The following C1QTNF3 variants were observed in gnomAD, a reference collection of about 807,000 sequenced individuals.
The protein encoded by C1QTNF3 is C1q and TNF related 3.
C1QTNF3 carries 26 observed loss-of-function variants against 32.6 expected under a neutral mutation model. The observed-to-expected ratio is 0.80, with a 90% CI of 0.58 to 1.11. C1QTNF3 has a LOEUF of 1.11. C1QTNF3 is among the 50% of genes least tolerant of loss of function. C1QTNF3 has a pLI of 0.00. For synonymous variants in C1QTNF3, 155 were observed against 146.0 expected (o/e 1.06, Z -0.44); for missense variants, 362 against 398.2 (o/e 0.91, Z 0.77).
chr5:34,069,877 TCA>T, the C1QTNF3 span, among the ~76,000 whole-genome samples: 4 of 152,080 alleles, frequency 2.6e-5, no homozygotes, highest in African/African-American at 9.7e-5. Context: ...AATATTAGAG[TCA>T]CATAGAACAG....
chr5:34,142,946 G>A, the C1QTNF3 span, among the ~76,000 whole-genome samples: 3 of 152,230 alleles, frequency 2.0e-5, no homozygotes, highest in African/African-American at 4.8e-5. Flanking sequence ...AAATGACTGA[G>A]ATGATGGACA....
the C1QTNF3 span, among the ~76,000 whole-genome samples, chr5:34,209,734 A>G: frequency 6.6e-6 from 1 of 152,128 alleles, no homozygotes; most frequent in East Asian, 1.9e-4. Flanking sequence ...TCATATATAT[A>G]GTTTTACAGA....
At chr5:34,068,529 AGAGAGAGAGAGAGAGG>A in the C1QTNF3 span, among the ~76,000 whole-genome samples, 1 of 150,026 alleles carries the variant, frequency 6.7e-6, no homozygotes, top group Non-Finnish European at 1.5e-5. Context: ...ATACGTATAT[AGAGAGAGAGAGAGAGG>A]GAGAGAGAGA....
At chr5:34,158,282 T>C in the C1QTNF3 span, 2 of 152,012 alleles carry the variant, frequency 1.3e-5, no homozygotes, top group Non-Finnish European at 2.9e-5. Flanking sequence ...AATTTTTGTT[T>C]TCTTAGTAGA....
chr5:34,179,846 A>G, the C1QTNF3 span, among the ~76,000 whole-genome samples: 6 of 152,242 alleles, frequency 3.9e-5, no homozygotes, highest in African/African-American at 1.4e-4. Flanking sequence ...GGTAGGCATG[A>G]GGCTGGGTGC....
At chr5:34,176,094 G>C in the C1QTNF3 span, 108 of 539,446 alleles carry the variant, frequency 2.0e-4, 4 homozygotes, top group South Asian at 2.7e-3. Flanking sequence ...ACTGATGCTA[G>C]GGTAAAGACA....
rs886370622 is a variant in C1QTNF3, at chr5:34,019,093, A to C, written c.*1490T>G. Reference sequence around the variant, plus strand: ...CGGTGAGCTGAGATCATGCCACTGCACTCCAGCCTGGGCAGCAGCGTGAAA... The same window carrying C: ...CGGTGAGCTGAGATCATGCCACTGCCCTCCAGCCTGGGCAGCAGCGTGAAA... On this transcript the variant is annotated 3_prime_UTR_variant, in exon 6 of 6. Coordinates refer to ENST00000382065, the MANE Select transcript of C1QTNF3 (RefSeq NM_181435.6). 7.9e-5 allele frequency among the ~76,000 whole-genome samples: 12 copies of C among 151,664 alleles called. No individual in the cohort carries two copies. Among genetic ancestry groups the C allele is most frequent in the African/African-American group, 2.7e-4 (11 of 41,234 alleles).
the C1QTNF3 span, among the ~76,000 whole-genome samples, chr5:34,141,410 G>A: frequency 2.0e-5 from 3 of 152,136 alleles, no homozygotes; most frequent in African/African-American, 4.8e-5. Flanking sequence ...GAGCCACCGC[G>A]CCGGGCCCGG....
chr5:34,101,125 T>A, the C1QTNF3 span, among the ~76,000 whole-genome samples: 1 of 152,164 alleles, frequency 6.6e-6, no homozygotes, highest in African/African-American at 2.4e-5. Context: ...GTAATAAATA[T>A]AATTTCCATT....
Position 34,018,285 on chromosome 5 carries a change from C to T in C1QTNF3, c.*2298G>A, listed in dbSNP as rs1373614447. ...TTTAAATATAACACTTCAAACATAC[C>T]AAAGCAAGAAATTGTCTCTGGCCAT... On this transcript the variant is annotated 3_prime_UTR_variant, in exon 6 of 6. Coordinates refer to ENST00000382065, the MANE Select transcript of C1QTNF3 (RefSeq NM_181435.6). Among the ~76,000 whole-genome samples, 1 of 151,726 alleles carries T rather than the reference C, an allele frequency of 6.6e-6. No individual in the cohort carries two copies. The highest frequency in any genetic ancestry group is 1.5e-5 in the Non-Finnish European group (1 of 67,932).
chr5:34,056,477 TATAGAGAGAGAGAGAGAGAG>T, the C1QTNF3 span, among the ~76,000 whole-genome samples: 91 of 87,264 alleles, frequency 1.0e-3, 1 homozygote, highest in East Asian at 7.8e-3. Flanking sequence ...TATATATATA[TATAGAGAGAGAGAGAGAGAG>T]AGAGAGAGAG....
the C1QTNF3 span, among the ~76,000 whole-genome samples, chr5:34,062,151 C>T: frequency 6.6e-6 from 1 of 152,224 alleles, no homozygotes; most frequent in Non-Finnish European, 1.5e-5. Context: ...TTTGCTAATA[C>T]ATAACAATAT....
At chr5:34,082,228 A>C in the C1QTNF3 span, among the ~76,000 whole-genome samples, 1 of 151,664 alleles carries the variant, frequency 6.6e-6, no homozygotes, top group South Asian at 2.1e-4. Flanking sequence ...GTGACATTAC[A>C]AGTTGTCAGA....
At chr5:34,050,702 T>C in the C1QTNF3 span, among the ~76,000 whole-genome samples, 1 of 152,214 alleles carries the variant, frequency 6.6e-6, no homozygotes, top group Admixed American at 6.5e-5. Flanking sequence ...CTATGACATA[T>C]AAGTTCTGGC....
chr5:34,239,374 C>T, the C1QTNF3 span: 1 of 152,144 alleles, frequency 6.6e-6, no homozygotes, highest in Non-Finnish European at 1.5e-5. Flanking sequence ...GCAAGGCTCA[C>T]CATCTGTAGT....
the C1QTNF3 span, among the ~76,000 whole-genome samples, chr5:34,196,784 T>C: frequency 6.7e-6 from 1 of 150,286 alleles, no homozygotes; most frequent in Admixed American, 6.6e-5. Context: ...CTCAGCCTCC[T>C]GAGTAGCTGG....
the C1QTNF3 span, among the ~76,000 whole-genome samples, chr5:34,154,811 T>C: frequency 6.6e-6 from 1 of 152,108 alleles, no homozygotes; most frequent in Non-Finnish European, 1.5e-5. Context: ...GGGCATCAGG[T>C]AGAGATAGAG....
Position 34,023,954 on chromosome 5 carries a change from T to C in C1QTNF3, c.755A>G (p.Tyr252Cys), listed in dbSNP as rs1400757547. 3 of 1,614,122 alleles carry C rather than the reference T, an allele frequency of 1.9e-6. No individual in the cohort carries two copies. The highest frequency in any genetic ancestry group is 2.5e-6 in the Non-Finnish European group (3 of 1,180,006). ...GTTGCCATTGTGCATAAGGTACACATACACTTCCTCAACATCCTCATGCTT... is the reference window on the plus strand; with the variant it reads ...GTTGCCATTGTGCATAAGGTACACACACACTTCCTCAACATCCTCATGCTT... ...MMKHEDVEEV[Y>C]VYLMHNGNTV... The change falls in exon 5 of 6, where the codon TAT (tyrosine) becomes TGT (cysteine). Residue 252 changes from tyrosine to cysteine, a missense_variant. Transcript: ENST00000382065.
the C1QTNF3 span, among the ~76,000 whole-genome samples, chr5:34,157,774 C>T: frequency 6.6e-6 from 1 of 152,166 alleles, no homozygotes; most frequent in Non-Finnish European, 1.5e-5. Flanking sequence ...TAAAGAGGAA[C>T]ACTGCAGCCC....
Sources: gnomAD v4.1 joint callset for allele counts (sites outside exome capture counted in the v4.1 genomes callset) on GRCh38, gnomAD v4.1.1 for gene constraint, MANE v1.5 for transcripts, NCBI Gene and HGNC (gene_info 2026-07-23, HGNC 2026-07-21) for gene names.